The following MMP17 variants were observed in gnomAD, a reference collection of about 807,000 sequenced individuals.
MMP17 encodes matrix metalloproteinase-17.
Under a neutral mutation model 49.1 loss-of-function variants are expected in MMP17, and 54 were observed. The ratio of observed to expected loss-of-function variants is 1.10; its 90% CI spans 0.88 to 1.38. MMP17 has a LOEUF of 1.38. MMP17 is among the 40% of genes most tolerant of loss of function. The pLI is 0.00. For missense variants in MMP17, 837 were observed against 853.7 expected (o/e 0.98, Z 0.24); for synonymous variants, 397 against 383.1 (o/e 1.04, Z -0.42).
chr12:131,832,900 A>G (rs1886898981), intron 1 of MMP17, among the ~76,000 whole-genome samples: 1 of 152,144 alleles, frequency 6.6e-6, no homozygotes, highest in Non-Finnish European at 1.5e-5. Context: ...CACCACCGTG[A>G]GCATGTGAGC....
intron 1 of MMP17, among the ~76,000 whole-genome samples, chr12:131,837,447 A>G (rs1408456730): frequency 6.6e-6 from 1 of 152,076 alleles, no homozygotes; most frequent in East Asian, 1.9e-4. Context: ...TATCTCCCCC[A>G]TGAATGTACA....
chr12:131,840,501 G>T (rs146374828), intron 3 of MMP17, 72 bp from the exon 4 acceptor site: 6 of 1,500,050 alleles, frequency 4.0e-6, no homozygotes, highest in African/African-American at 1.4e-5. Flanking sequence ...GAGGAGGGGC[G>T]TTCAGGGAAC....
rs914648139 is a variant in MMP17 at position 131,838,695 on chromosome 12, C to T, written c.376C>T (p.Gln126Ter). Residue 126 changes from glutamine to a stop codon, truncating the protein, a stop_gained, in exon 3 of 10, where the codon CAG becomes TAG. Coordinates refer to ENST00000360564, the MANE Select transcript of MMP17 (RefSeq NM_016155.7). LOFTEE classifies it high-confidence loss of function. ...PVLTQARRRRQAPAPTKWNKR... is the reference protein window; with the variant it reads ...PVLTQARRRR Reference sequence around the variant, plus strand: ...CCTGACCCAGGCTCGCAGGAGACGCCAGGCTCCAGCCCCCACCAAGTGGAA... The same window carrying T: ...CCTGACCCAGGCTCGCAGGAGACGCTAGGCTCCAGCCCCCACCAAGTGGAA... 8 of 1,603,984 alleles carry T rather than the reference C, an allele frequency of 5.0e-6. No homozygotes were observed. Among genetic ancestry groups the T allele is most frequent in the Non-Finnish European group, 6.8e-6 (8 of 1,176,296 alleles).
chr12:131,841,557 G>C, intron 4 of MMP17, 67 bp from the exon 5 acceptor site: 1 of 1,551,410 alleles, frequency 6.4e-7, no homozygotes, highest in Non-Finnish European at 8.9e-7. Context: ...GTGGGGGCCT[G>C]CTGGTCCCTC....
chr12:131,828,676 C>G (rs1320882230), intron 1 of MMP17, 23 bp downstream of exon 1: 1 of 323,062 alleles, frequency 3.1e-6, no homozygotes, highest in Non-Finnish European at 4.8e-6. Context: ...GCGGGACGGG[C>G]GCGGAGCTCC....
rs569462475 is a variant in MMP17, at chr12:131,839,776, C to T, written c.423-797C>T. Among the ~76,000 whole-genome samples, 396 of 152,060 alleles carry T rather than the reference C, an allele frequency of 2.6e-3. 3 individuals carry two copies. Among genetic ancestry groups the T allele is most frequent in the African/African-American group, 9.3e-3 (384 of 41,476 alleles). Reference sequence around the variant, plus strand: ...CAGCCTGGCCAACATGGTGAGACCCCGTCTCTACTAAAAATACAAAAATTA... The same window carrying T: ...CAGCCTGGCCAACATGGTGAGACCCTGTCTCTACTAAAAATACAAAAATTA... On this transcript the variant is annotated intron_variant, in intron 3 of 9. Coordinates refer to ENST00000360564, the MANE Select transcript of MMP17 (RefSeq NM_016155.7).
intron 2 of MMP17, 136 bp downstream of exon 2, chr12:131,838,463 C>G: frequency 6.9e-7 from 1 of 1,448,646 alleles, no homozygotes; most frequent in Admixed American, 2.5e-5. Flanking sequence ...TAGCTCAGAG[C>G]CTGGGGCTGG....
intron 9 of MMP17, among the ~76,000 whole-genome samples, chr12:131,850,370 G>A (rs568451923): frequency 1.3e-5 from 2 of 152,260 alleles, no homozygotes; most frequent in South Asian, 2.1e-4. Flanking sequence ...ACACTTTCCT[G>A]AGATGTCCAC....
intron 1 of MMP17, among the ~76,000 whole-genome samples, chr12:131,831,113 G>A (rs948491763): frequency 2.0e-5 from 3 of 152,198 alleles, no homozygotes; most frequent in Admixed American, 6.5e-5. Context: ...GGAGCCGCCC[G>A]TCTATTCACC....
chr12:131,841,570 C>T (rs1473131898), intron 4 of MMP17, 54 bp from the exon 5 acceptor site: 23 of 1,592,516 alleles, frequency 1.4e-5, no homozygotes, highest in African/African-American at 6.7e-5. Flanking sequence ...GGTCCCTCCC[C>T]GCGGGGACAG....
rs759011255 is a variant in MMP17, at chr12:131,845,353, C to A, written c.1108C>A (p.Gln370Lys). ...DRHLVSLQPAQMHRFWRGLPL... is the reference protein window; with the variant it reads ...DRHLVSLQPAKMHRFWRGLPL... ...GCACCTGGTGTCCCTGCAGCCGGCA[C>A]AGATGCACCGCTTCTGGCGGGGCCT... Residue 370 changes from glutamine (Q) to lysine (K), a missense_variant, in exon 8 of 10, where the codon CAG (glutamine) becomes AAG (lysine). Gln to Lys is a moderately conservative substitution (Grantham distance 53). Transcript: ENST00000360564. The A allele has an allele frequency of 1.3e-5, 21 of 1,602,390 alleles. No homozygotes were observed. In the East Asian group the frequency reaches 4.7e-4, roughly 36 times the overall value.
rs747470090 is a variant in MMP17 at position 131,850,011 on chromosome 12, T to G, written c.1414T>G (p.Trp472Gly). The G allele has an allele frequency of 6.2e-7, 1 of 1,613,434 alleles. No homozygotes were observed. Among genetic ancestry groups the G allele is most frequent in the South Asian group, 1.1e-5 (1 of 91,088 alleles). ...DPGYPAQSPL[W>G]RGVPSTLDDA... ...CGGCTACCCCGCCCAGAGCCCCCTG[T>G]GGAGGGGTGTCCCCAGCACGCTGGA... The change falls in exon 9 of 10, where the codon TGG becomes GGG. Residue 472 changes from tryptophan (W) to glycine (G), a missense_variant. Trp to Gly is a radical substitution (Grantham distance 184). Transcript: ENST00000360564.
rs935622792 is a variant in MMP17, at chr12:131,838,716, T to A, written c.397T>A (p.Trp133Arg). 6.3e-7 allele frequency: 1 copy of A among 1,593,816 alleles called. No individual in the cohort carries two copies. The highest frequency in any genetic ancestry group is 1.7e-5 in the Admixed American group (1 of 57,198). The change falls in exon 3 of 10, where the codon TGG becomes AGG. Residue 133 changes from tryptophan to arginine, a missense_variant. By Grantham distance (101) the Trp-to-Arg change is moderately radical. Transcript: ENST00000360564. ...RRRQAPAPTK[W>R]NKRNLSWRVR... ...ACGCCAGGCTCCAGCCCCCACCAAG[T>A]GGAACAAGAGGAACCTGTCGTGGAG...
Position 131,846,903 on chromosome 12 carries a change from G to A in MMP17, c.1204+1454G>A, listed in dbSNP as rs1387335658. ...CTTCCTGTAACTCCATCGCCTGCCC[G>A]GCCCTCAGCATTTGACTCCGTCACC... On this transcript the variant is annotated intron_variant, in intron 8 of 9. Coordinates refer to ENST00000360564, the MANE Select transcript of MMP17 (RefSeq NM_016155.7). The surrounding 1 kb of genome is among the most constrained non-coding windows in gnomAD (Gnocchi z 4.6). Among the ~76,000 whole-genome samples, 4 of 151,998 alleles carry A rather than the reference G, an allele frequency of 2.6e-5. No homozygotes were observed. The highest frequency in any genetic ancestry group is 7.2e-5 in the African/African-American group (3 of 41,384).
At chr12:131,829,637 C>G (rs1007539995) in intron 1 of MMP17, among the ~76,000 whole-genome samples, 2 of 152,236 alleles carry the variant, frequency 1.3e-5, no homozygotes, top group African/African-American at 4.8e-5. Context: ...CCAGTGGGGT[C>G]CTGGCAGGGC....
chr12:131,836,961 C>T (rs1887115009), intron 1 of MMP17, among the ~76,000 whole-genome samples: 1 of 151,270 alleles, frequency 6.6e-6, no homozygotes, highest in African/African-American at 2.4e-5. Flanking sequence ...GCATCCAGGC[C>T]CCCCTGTCCC....
At chr12:131,835,986 G>A (rs1257529304) in intron 1 of MMP17, among the ~76,000 whole-genome samples, 1 of 152,196 alleles carries the variant, frequency 6.6e-6, no homozygotes, top group Non-Finnish European at 1.5e-5. Flanking sequence ...GGAGGTCAGG[G>A]CGGAAGTGGG....
chr12:131,839,348 C>T (rs1179717073), intron 3 of MMP17, among the ~76,000 whole-genome samples: 12 of 151,608 alleles, frequency 7.9e-5, no homozygotes, highest in African/African-American at 2.4e-4. Context: ...GGTCTCACTT[C>T]GTCACCCAGG....
intron 6 of MMP17, chr12:131,844,620 G>C (rs73469993): frequency 4.6e-6 from 1 of 216,860 alleles, no homozygotes; most frequent in African/African-American, 2.3e-5. Flanking sequence ...CCCAGCCCCA[G>C]ATGTCACAGG....
Sources: gnomAD v4.1 joint callset for allele counts (sites outside exome capture counted in the v4.1 genomes callset) on GRCh38, gnomAD v4.1.1 for gene constraint, Gnocchi (gnomAD v3.1) non-coding constraint, MANE v1.5 for transcripts, NCBI Gene and HGNC (gene_info 2026-07-23, HGNC 2026-07-21) for gene names.